DCC: variants seen among roughly 807,000 people sequenced by gnomAD.
DCC encodes DCC netrin 1 receptor.
A neutral mutation model predicts 172.5 loss-of-function variants in DCC; 58 were observed. That is an observed-to-expected ratio of 0.34 (90% CI 0.27 to 0.42). The LOEUF is 0.42. Ranked by LOEUF, DCC falls within the 10% of genes least tolerant of loss-of-function variation. The pLI is 1.00. For missense variants in DCC, 1,740 were observed against 1,791.0 expected (o/e 0.97, Z 0.51); for synonymous variants, 709 against 644.5 (o/e 1.10, Z -1.52).
At chr18:53,057,858 G>A (rs952231558) in intron 5 of DCC, among the ~76,000 whole-genome samples, 1 of 151,950 alleles carries the variant, frequency 6.6e-6, no homozygotes. Flanking sequence ...TATGCTTCAG[G>A]CTCCATCTTT....
chr18:53,267,421 A>G (rs2056693123), intron 12 of DCC, among the ~76,000 whole-genome samples: 2 of 152,064 alleles, frequency 1.3e-5, no homozygotes, highest in South Asian at 4.1e-4. Context: ...TCCTGACCTC[A>G]GGTGACCCTC....
chr18:53,420,634 C>T (rs1227543913), intron 21 of DCC, among the ~76,000 whole-genome samples: 1 of 152,108 alleles, frequency 6.6e-6, no homozygotes, highest in Non-Finnish European at 1.5e-5. Context: ...AGTGACCTCT[C>T]TGGTGTCTCC....
At chr18:52,370,738 CAT>C (rs990717420) in intron 1 of DCC, among the ~76,000 whole-genome samples, 16 of 151,960 alleles carry the variant, frequency 1.1e-4, no homozygotes, top group African/African-American at 2.9e-4. Flanking sequence ...AAGAAAAAAA[CAT>C]GTAGTAATTA....
intron 2 of DCC, among the ~76,000 whole-genome samples, chr18:52,863,140 C>G (rs143799943): frequency 9.2e-5 from 14 of 152,102 alleles, no homozygotes; most frequent in African/African-American, 3.4e-4. Flanking sequence ...TTTACAACAA[C>G]TTTTAAAAAC....
Position 53,301,302 on chromosome 18 carries a change from TG to T in DCC, c.1912-4274del, listed in dbSNP as rs1215089102. On this transcript the variant is annotated intron_variant, in intron 12 of 28. Coordinates refer to ENST00000442544, the MANE Select transcript of DCC (RefSeq NM_005215.4). Reference sequence around the variant, plus strand: ...TGGGGTTTCTCCATGCTGGTCAGGCTGGTCTCGAACTCCTGACCACAGGTGA... The same window carrying T: ...TGGGGTTTCTCCATGCTGGTCAGGCTGTCTCGAACTCCTGACCACAGGTGA... 4.6e-5 allele frequency among the ~76,000 whole-genome samples: 7 copies of T among 152,088 alleles called. No individual in the cohort carries two copies. The East Asian group carries it at 1.2e-3, about 25-fold the overall frequency.
rs554959157 is a variant in DCC at position 52,749,069 on chromosome 18, G to A, written c.92-2985G>A. ...ACAAAAATTAGCCAGGTGTGGTGGC[G>A]CATGCCTGTAATCCCAGTTACTGGG... On this transcript the variant is annotated intron_variant, in intron 1 of 28. Coordinates refer to ENST00000442544, the MANE Select transcript of DCC (RefSeq NM_005215.4). Among the ~76,000 whole-genome samples, 13 of 152,120 alleles carry A rather than the reference G, an allele frequency of 8.5e-5. No individual in the cohort carries two copies. The South Asian group carries it at 1.5e-3, about 17-fold the overall frequency.
intron 19 of DCC, among the ~76,000 whole-genome samples, chr18:53,405,898 T>G (rs1666722377): frequency 6.6e-6 from 1 of 152,196 alleles, no homozygotes; most frequent in African/African-American, 2.4e-5. Context: ...AAACTCAGGT[T>G]TATACTCTTA....
chr18:53,178,910 G>C (rs2055151004), intron 8 of DCC, 52 bp from the exon 9 acceptor site: 9 of 1,605,880 alleles, frequency 5.6e-6, no homozygotes, highest in Middle Eastern at 1.7e-4. Flanking sequence ...ACAGATTTTG[G>C]CTGAAGGTAT....
intron 5 of DCC, among the ~76,000 whole-genome samples, chr18:53,009,198 T>C (rs749230091): frequency 2.8e-4 from 42 of 152,102 alleles, no homozygotes; most frequent in Non-Finnish European, 4.3e-4. Flanking sequence ...GTCTTTCTTA[T>C]TTATTTAAAA....
chr18:53,004,638 T>A (rs1217768863), intron 5 of DCC, among the ~76,000 whole-genome samples: 1 of 152,182 alleles, frequency 6.6e-6, no homozygotes, highest in East Asian at 1.9e-4. Context: ...CTGTTGCAGA[T>A]GAACTTTTAT....
intron 2 of DCC, among the ~76,000 whole-genome samples, chr18:52,782,402 G>T (rs16955498): frequency 6.6e-6 from 1 of 152,016 alleles, no homozygotes; most frequent in Admixed American, 6.6e-5. Flanking sequence ...TACAAGTCAG[G>T]AGATGAAATT....
chr18:52,748,145 T>A (rs1206128795), intron 1 of DCC, among the ~76,000 whole-genome samples: 1 of 152,154 alleles, frequency 6.6e-6, no homozygotes, highest in African/African-American at 2.4e-5. Flanking sequence ...CAGAGCCAGG[T>A]GCGCCAGCTG....
At chr18:52,598,411 G>T (rs1166271836) in intron 1 of DCC, among the ~76,000 whole-genome samples, 1 of 152,190 alleles carries the variant, frequency 6.6e-6, no homozygotes, top group Non-Finnish European at 1.5e-5. Context: ...TAAGTATGTT[G>T]AGGGAAAGCA....
Position 52,774,329 on chromosome 18 carries a change from G to T in DCC, c.412+21955G>T, listed in dbSNP as rs375519351. On this transcript the variant is annotated intron_variant, in intron 2 of 28. Coordinates refer to ENST00000442544, the MANE Select transcript of DCC (RefSeq NM_005215.4). ...GGCCCAGTTTGATTGCAGTTGATGT[G>T]GCCGGCTGAATGTTGAAGACGCTTC... is the stretch of plus-strand genomic sequence containing the variant. Among the ~76,000 whole-genome samples, 5 of 152,258 alleles carry T rather than the reference G, an allele frequency of 3.3e-5. No homozygotes were observed. The South Asian group carries it at 6.2e-4, about 19-fold the overall frequency.
intron 15 of DCC, among the ~76,000 whole-genome samples, chr18:53,347,173 G>A (rs1192705261): frequency 6.6e-6 from 1 of 152,122 alleles, no homozygotes; most frequent in Non-Finnish European, 1.5e-5. Flanking sequence ...AAAGTGGTGA[G>A]GGTTTCTACT....
At chr18:53,506,089 G>C (rs1317909350) in intron 27 of DCC, among the ~76,000 whole-genome samples, 1 of 152,094 alleles carries the variant, frequency 6.6e-6, no homozygotes, top group Non-Finnish European at 1.5e-5. Flanking sequence ...CAATACAGAG[G>C]TCAATATTTA....
At chr18:52,633,492 C>T (rs2034715624) in intron 1 of DCC, among the ~76,000 whole-genome samples, 2 of 152,164 alleles carry the variant, frequency 1.3e-5, no homozygotes, top group African/African-American at 4.8e-5. Context: ...ATCAATTCCC[C>T]TTTATGCACT....
At chr18:53,347,205 G>A (rs756341970) in intron 15 of DCC, among the ~76,000 whole-genome samples, 19 of 152,178 alleles carry the variant, frequency 1.2e-4, no homozygotes, top group Non-Finnish European at 2.5e-4. Context: ...TGACAGTACT[G>A]GGGTGCTTTC....
intron 9 of DCC, among the ~76,000 whole-genome samples, chr18:53,201,106 A>G (rs1346444668): frequency 6.6e-6 from 1 of 152,050 alleles, no homozygotes; most frequent in Admixed American, 6.6e-5. Flanking sequence ...AACTTCCCAC[A>G]CACTGCCTCC....
Sources: gnomAD v4.1 joint callset for allele counts (sites outside exome capture counted in the v4.1 genomes callset) on GRCh38, gnomAD v4.1.1 for gene constraint, MANE v1.5 for transcripts, NCBI Gene and HGNC (gene_info 2026-07-23, HGNC 2026-07-21) for gene names.